Variants in AIG1 observed in about 807,000 individuals in gnomAD.
AIG1 encodes the protein androgen-induced gene 1 protein.
A neutral mutation model predicts 31.4 loss-of-function variants in AIG1; 23 were observed. The ratio of observed to expected loss-of-function variants is 0.73; its 90% CI spans 0.53 to 1.04. AIG1 has a LOEUF of 1.04. Ranked by LOEUF, AIG1 falls within the 50% of genes least tolerant of loss-of-function variation. The probability of loss-of-function intolerance (pLI) is 0.00; values close to 1 mark genes in which losing one functional copy is unlikely to be tolerated. For synonymous variants in AIG1, 100 were observed against 110.5 expected, an observed-to-expected ratio of 0.90 and a Z score of 0.60; for missense variants, 274 against 295.0, an observed-to-expected ratio of 0.93 and a Z score of 0.52.
chr6:143,249,082 GT>G (rs1794817086), intron 3 of AIG1, among the ~76,000 whole-genome samples: 1 of 152,134 alleles, frequency 6.6e-6, no homozygotes, highest in Non-Finnish European at 1.5e-5. Flanking sequence ...AAAAATTAGG[GT>G]AAGTTTACCA....
At chr6:143,308,055 C>T (rs912279037) in intron 4 of AIG1, among the ~76,000 whole-genome samples, 6 of 152,220 alleles carry the variant, frequency 3.9e-5, no homozygotes, top group Non-Finnish European at 7.3e-5. Flanking sequence ...TTAAGCCCAT[C>T]GGAGAAGCGC....
intron 4 of AIG1, among the ~76,000 whole-genome samples, chr6:143,318,571 G>A (rs111671125): frequency 0.057 from 8,609 of 152,042 alleles, 645 homozygotes; most frequent in African/African-American, 0.17. Flanking sequence ...TATTAGCTTA[G>A]GCAAAGACTT....
chr6:143,158,234 A>G (rs1365193157), intron 2 of AIG1, among the ~76,000 whole-genome samples: 1 of 152,152 alleles, frequency 6.6e-6, no homozygotes, highest in East Asian at 1.9e-4. Flanking sequence ...GAGATGACAC[A>G]CTAGCCTGTT....
At position 143,333,231 on chromosome 6, in the gene AIG1, C is replaced by T; in HGVS notation, c.516-51C>T. 7 of 1,512,368 alleles carry T rather than the reference C, an allele frequency of 4.6e-6. No individual in the cohort carries two copies. The highest frequency in any genetic ancestry group is 6.2e-6 in the Non-Finnish European group (7 of 1,128,106). 93.7% of individuals were successfully genotyped at this position (1,512,368 alleles called of 1,614,324 possible). A position where few individuals can be genotyped will look rare whatever the true frequency, so the allele number is the denominator to read the frequency against. On this transcript the variant is annotated intron_variant, in intron 4 of 5. Transcript: ENST00000357847. This position sits in a 1 kb window ranked among gnomAD's most constrained non-coding sequence, Gnocchi z 4.6. ...TATTTGCATCATAGCAGCTTTGATGCCTGCCATAAGAGTGACTCCTGTCCT... is the reference window on the plus strand; with the variant it reads ...TATTTGCATCATAGCAGCTTTGATGTCTGCCATAAGAGTGACTCCTGTCCT...
At chr6:143,247,067 C>G (rs1794669630) in intron 3 of AIG1, among the ~76,000 whole-genome samples, 1 of 152,182 alleles carries the variant, frequency 6.6e-6, no homozygotes, top group South Asian at 2.1e-4. Flanking sequence ...TAACTCCTCT[C>G]TGTGATGCTG....
intron 1 of AIG1, among the ~76,000 whole-genome samples, chr6:143,108,287 A>C (rs1780975324): frequency 6.6e-6 from 1 of 152,206 alleles, no homozygotes; most frequent in Non-Finnish European, 1.5e-5. Context: ...TTTTTCTTTA[A>C]GATTTCTTAC....
intron 2 of AIG1, among the ~76,000 whole-genome samples, chr6:143,147,150 A>G (rs989934030): frequency 1.3e-5 from 2 of 152,176 alleles, no homozygotes; most frequent in African/African-American, 4.8e-5. Flanking sequence ...CATAGCAACA[A>G]ATGTATACTA....
At chr6:143,233,917 A>G (rs888103719) in intron 3 of AIG1, among the ~76,000 whole-genome samples, 1 of 152,118 alleles carries the variant, frequency 6.6e-6, no homozygotes, top group Non-Finnish European at 1.5e-5. Flanking sequence ...AATAATTGTT[A>G]TTTTTTTCTC....
In AIG1 at chr6:143,326,189, A is replaced by G. The variant is rs899017126; in HGVS notation, c.516-7093A>G. ...ATTTATTTATTTTCAAAGACTTTAT[A>G]TTTGCACACTAGGACGGAGTCTACA... On this transcript the variant is annotated intron_variant, in intron 4 of 5. Transcript: ENST00000357847. The surrounding 1 kb of genome is among the most constrained non-coding windows in gnomAD (Gnocchi z 4.5). 1.3e-5 allele frequency among the ~76,000 whole-genome samples: 2 copies of G among 152,176 alleles called. No individual in the cohort carries two copies. The highest frequency in any genetic ancestry group is 2.9e-5 in the Non-Finnish European group (2 of 68,034).
chr6:143,327,413 C>G lies in AIG1; in HGVS notation c.516-5869C>G. The G allele has an allele frequency of 2.9e-6, 1 of 348,542 alleles. No individual in the cohort carries two copies. The highest frequency in any genetic ancestry group is 2.7e-5 in the South Asian group (1 of 37,194). 21.6% of individuals were successfully genotyped at this position (348,542 alleles called of 1,614,324 possible). ...CTTCAAGAAGTCTGCCCCTTGGGCA[C>G]TCAAAGAGATCTGGAAATTTGCCAC... On this transcript the variant is annotated intron_variant, in intron 4 of 5. Transcript: ENST00000357847. The surrounding 1 kb of genome is among the most constrained non-coding windows in gnomAD (Gnocchi z 5.3).
rs1777019192 is a variant in AIG1 at position 143,330,873 on chromosome 6, T to G, written c.516-2409T>G. 6.6e-6 allele frequency among the ~76,000 whole-genome samples: 1 copy of G among 152,248 alleles called. No homozygotes were observed. The highest frequency in any genetic ancestry group is 2.1e-4 in the South Asian group (1 of 4,830). ...TAAGACAATGTCAGAATGATGAAAC[T>G]GCTTCTAATTTATGGACAAACAATA... On this transcript the variant is annotated intron_variant, in intron 4 of 5. Coordinates refer to ENST00000357847, the MANE Select transcript of AIG1 (RefSeq NM_016108.4). This position sits in a 1 kb window ranked among gnomAD's most constrained non-coding sequence, Gnocchi z 4.4.
At chr6:143,088,965 C>G (rs1313778616) in intron 1 of AIG1, among the ~76,000 whole-genome samples, 1 of 152,148 alleles carries the variant, frequency 6.6e-6, no homozygotes, top group Non-Finnish European at 1.5e-5. Context: ...AATCCCAGCA[C>G]TTTGGGAGGC....
At chr6:143,158,965 C>G in intron 2 of AIG1, among the ~76,000 whole-genome samples, 1 of 152,220 alleles carries the variant, frequency 6.6e-6, no homozygotes, top group East Asian at 1.9e-4. Flanking sequence ...TCTGATACTT[C>G]ACTTTCTCAT....
chr6:143,243,620 T>G (rs977530986), intron 3 of AIG1, among the ~76,000 whole-genome samples: 4 of 152,248 alleles, frequency 2.6e-5, no homozygotes, highest in African/African-American at 9.6e-5. Context: ...TTGTACATTT[T>G]ATTTGGCAGT....
At chr6:143,079,420 G>A (rs1778013550) in intron 1 of AIG1, among the ~76,000 whole-genome samples, 1 of 152,036 alleles carries the variant, frequency 6.6e-6, no homozygotes, top group Non-Finnish European at 1.5e-5. Flanking sequence ...GTACCCTTAT[G>A]GGTCCTTATT....
Position 143,288,043 on chromosome 6 carries a change from T to A in AIG1, c.515+3818T>A, listed in dbSNP as rs6930404. Among the ~76,000 whole-genome samples, 110,844 of 152,018 alleles carry A rather than the reference T, an allele frequency of 0.73. 42,112 individuals carry two copies. Among genetic ancestry groups the A allele is most frequent in the East Asian group, 1 (5,163 of 5,170 alleles). On this transcript the variant is annotated intron_variant, in intron 4 of 5. Transcript: ENST00000357847. This position sits in a 1 kb window ranked among gnomAD's most constrained non-coding sequence, Gnocchi z 4.4. The stretch of plus-strand genomic sequence containing the variant: ...GGAGCTTTAAGATCATGGGCTCCTG[T>A]CTCTTGTCACCTTCTAGTTGACATG...
chr6:143,184,790 G>A (rs1046863350), intron 3 of AIG1, among the ~76,000 whole-genome samples: 1 of 152,320 alleles, frequency 6.6e-6, no homozygotes, highest in Non-Finnish European at 1.5e-5. Context: ...TAGCAAGAAT[G>A]TGTTTATGGC....
intron 3 of AIG1, among the ~76,000 whole-genome samples, chr6:143,219,402 CG>C (rs1166754692): frequency 6.6e-6 from 1 of 152,060 alleles, no homozygotes; most frequent in Non-Finnish European, 1.5e-5. Flanking sequence ...CCTAAGAGGT[CG>C]AGGCTGCCGT....
intron 3 of AIG1, among the ~76,000 whole-genome samples, chr6:143,272,274 G>C (rs1012477474): frequency 6.6e-6 from 1 of 152,166 alleles, no homozygotes; most frequent in Non-Finnish European, 1.5e-5. Flanking sequence ...CTTACCCGAA[G>C]ATAGTAACTT....
Sources: allele counts gnomAD v4.1 joint callset (sites outside exome capture counted in the v4.1 genomes callset), GRCh38; gene constraint gnomAD v4.1.1; non-coding constraint Gnocchi (gnomAD v3.1); transcripts MANE v1.5; gene names NCBI Gene and HGNC (gene_info 2026-07-23, HGNC 2026-07-21).